Variants in PIK3R3 observed in about 807,000 individuals in gnomAD.
The protein encoded by PIK3R3 is phosphatidylinositol 3-kinase regulatory subunit gamma.
In PIK3R3, 64 loss-of-function variants were observed where a neutral mutation model predicts 62.9. The ratio of observed to expected loss-of-function variants is 1.02; its 90% CI spans 0.83 to 1.25. The LOEUF (loss-of-function observed/expected upper bound fraction) is 1.25, where lower values mean the gene tolerates loss of function less well. Among genes scored for constraint, PIK3R3 ranks in the 50% most tolerant of loss-of-function variants. The probability of loss-of-function intolerance (pLI) is 0.00; values close to 1 mark genes in which losing one functional copy is unlikely to be tolerated. For missense variants in PIK3R3, 614 were observed against 561.6 expected (o/e 1.09, Z -0.94); for synonymous variants, 165 against 189.0 (o/e 0.87, Z 1.04).
At chr1:46,090,571 G>A (rs1651533949) in intron 1 of PIK3R3, among the ~76,000 whole-genome samples, 1 of 152,134 alleles carries the variant, frequency 6.6e-6, no homozygotes, top group Admixed American at 6.5e-5. Flanking sequence ...CTGACCTCAT[G>A]ATCCACCTGC....
At chr1:46,072,787 A>T (rs374211898) in intron 3 of PIK3R3, among the ~76,000 whole-genome samples, 2 of 151,922 alleles carry the variant, frequency 1.3e-5, no homozygotes, top group South Asian at 4.1e-4. Context: ...TCATCTCTAC[A>T]AAGAAATTTT....
Position 46,041,096 on chromosome 1 carries a change from A to T in PIK3R3, c.*2577T>A, listed in dbSNP as rs1414835104. On this transcript the variant is annotated 3_prime_UTR_variant, in exon 10 of 10. Coordinates refer to ENST00000262741, the MANE Select transcript of PIK3R3 (RefSeq NM_003629.4). ...CATTGAAACTGCAGTTAAGATGCCA[A>T]GACAGTCCCAGGGTCCAGATCATGG... 6.4e-6 allele frequency: 1 copy of T among 155,982 alleles called. No individual in the cohort carries two copies. The highest frequency in any genetic ancestry group is 1.7e-4 in the East Asian group (1 of 5,886). 9.7% of individuals were successfully genotyped at this position (155,982 alleles called of 1,614,324 possible). A position where few individuals can be genotyped will look rare whatever the true frequency, so the allele number is the denominator to read the frequency against.
intron 6 of PIK3R3, 74 bp from the exon 7 acceptor site, chr1:46,056,045 T>A: frequency 1.1e-6 from 1 of 938,300 alleles, no homozygotes; most frequent in Non-Finnish European, 1.6e-6. Context: ...AGCACGGTCC[T>A]AATATCCTTT....
the PIK3R3 span, among the ~76,000 whole-genome samples, chr1:46,152,508 C>T: frequency 6.6e-6 from 1 of 151,408 alleles, no homozygotes; most frequent in East Asian, 1.9e-4. Flanking sequence ...CCATATCTAA[C>T]ACAACAACTC....
In PIK3R3 at chr1:46,046,010, T is replaced by G; in HGVS notation, c.1095A>C (p.Arg365=). The change falls in exon 9 of 10, where the codon CGA becomes CGC. Residue 365 remains arginine, a synonymous_variant. Transcript: ENST00000262741. ...EKTWFVEDIN[R]VQAEDLLYGK... ...CATAAAGCAAGTCCTCTGCTTGTACTCGATTGATATCCTCAACAAACCAGG... is the reference window on the plus strand; with the variant it reads ...CATAAAGCAAGTCCTCTGCTTGTACGCGATTGATATCCTCAACAAACCAGG... 6.2e-7 allele frequency: 1 copy of G among 1,611,744 alleles called. No individual in the cohort carries two copies. The highest frequency in any genetic ancestry group is 1.3e-5 in the African/African-American group (1 of 74,998).
chr1:46,154,752 C>T, the PIK3R3 span, among the ~76,000 whole-genome samples: 2 of 152,098 alleles, frequency 1.3e-5, no homozygotes, highest in Admixed American at 1.3e-4. Flanking sequence ...TTTTATCTGT[C>T]AGGATTTGAT....
the PIK3R3 span, among the ~76,000 whole-genome samples, chr1:46,170,134 G>A: frequency 2.6e-5 from 4 of 151,928 alleles, no homozygotes; most frequent in Non-Finnish European, 4.4e-5. Context: ...TTTCTGTTCG[G>A]TACCTTTCTT....
At chr1:46,097,881 C>A in intron 1 of PIK3R3, among the ~76,000 whole-genome samples, 1 of 131,850 alleles carries the variant, frequency 7.6e-6, no homozygotes, top group African/African-American at 2.8e-5. Flanking sequence ...AAGAGGGAAA[C>A]TCCATCTCAA....
intron 3 of PIK3R3, 70 bp downstream of exon 3, chr1:46,077,445 G>A: frequency 1.4e-6 from 1 of 714,952 alleles, no homozygotes; most frequent in South Asian, 2.0e-5. Flanking sequence ...TTTAAATACA[G>A]AAATATCTGT....
In PIK3R3 at chr1:46,132,593, C is replaced by T. The variant is rs1655716936; in HGVS notation, c.-641G>A. ...GGGCGCTCCCGCCGGGGTGTAAGAA[C>T]CAACCCGACCGCACCAACTGCCCTC... On this transcript the variant is annotated 5_prime_UTR_variant, in exon 1 of 10. Transcript: ENST00000262741. The T allele has an allele frequency of 7.8e-7, 1 of 1,288,808 alleles. No homozygotes were observed. Among genetic ancestry groups the T allele is most frequent in the Admixed American group, 2.3e-5 (1 of 43,438 alleles). 79.8% of individuals were successfully genotyped at this position (1,288,808 alleles called of 1,614,324 possible).
upstream of PIK3R3, among the ~76,000 whole-genome samples, chr1:46,137,104 A>T (rs964286886): frequency 4.6e-5 from 7 of 152,072 alleles, no homozygotes; most frequent in Non-Finnish European, 8.8e-5. Context: ...GTTCAAAGTC[A>T]TGCAGTCACT....
chr1:46,080,542 T>G (rs111915223), intron 2 of PIK3R3, 100 bp downstream of exon 2: 3 of 785,328 alleles, frequency 3.8e-6, no homozygotes, highest in Admixed American at 2.0e-5. Flanking sequence ...ATTATAGGCA[T>G]GAGCCACCAT....
chr1:46,131,639 C>A, intron 1 of PIK3R3: 1 of 463,034 alleles, frequency 2.2e-6, no homozygotes, highest in Non-Finnish European at 4.4e-6. Flanking sequence ...GCCCCCACCC[C>A]CACCTTCGCA....
the PIK3R3 span, among the ~76,000 whole-genome samples, chr1:46,151,977 A>G: frequency 6.6e-6 from 1 of 151,698 alleles, no homozygotes; most frequent in Non-Finnish European, 1.5e-5. Context: ...GGCAGCTGGG[A>G]AAACCCCAAA....
upstream of PIK3R3, among the ~76,000 whole-genome samples, chr1:46,133,300 G>T (rs1427832949): frequency 6.6e-6 from 1 of 152,252 alleles, no homozygotes; most frequent in Non-Finnish European, 1.5e-5. Context: ...ACTGCCTGGA[G>T]ACAGGCGGGG....
At chr1:46,143,375 A>AT in the PIK3R3 span, among the ~76,000 whole-genome samples, 60 of 151,922 alleles carry the variant, frequency 3.9e-4, no homozygotes, top group African/African-American at 9.9e-4. Context: ...GTTACATGTG[A>AT]TTTTTTTTAG....
rs1648944649 is a variant in PIK3R3 at position 46,065,920 on chromosome 1, C to A, written c.621+134G>T. The A allele has an allele frequency of 6.8e-6, 5 of 736,670 alleles. No individual in the cohort carries two copies. The East Asian group carries it at 1.3e-4, about 18-fold the overall frequency. The allele number at this position is 736,670 out of a possible 1,614,324, so 45.6% of individuals were successfully genotyped here. ...ATTAAGAAGGGAGGGGAATTTATAT[C>A]ATTAAAGTTTCAAAAAGGCTGTTTA... On this transcript the variant is annotated intron_variant, in intron 5 of 9. Coordinates refer to ENST00000262741, the MANE Select transcript of PIK3R3 (RefSeq NM_003629.4).
At chr1:46,137,594 C>T (rs944111587), upstream of PIK3R3, among the ~76,000 whole-genome samples, 2 of 152,216 alleles carry the variant, frequency 1.3e-5, no homozygotes, top group African/African-American at 4.8e-5. Flanking sequence ...TGCATCTGAT[C>T]TTATACATTG....
At chr1:46,117,367 C>T (rs1157669726) in intron 1 of PIK3R3, among the ~76,000 whole-genome samples, 1 of 151,398 alleles carries the variant, frequency 6.6e-6, no homozygotes, top group Non-Finnish European at 1.5e-5. Context: ...CAGGAGGTCA[C>T]GGCTACAGTG....
Sources: allele counts gnomAD v4.1 joint callset (sites outside exome capture counted in the v4.1 genomes callset), GRCh38; gene constraint gnomAD v4.1.1; transcripts MANE v1.5; gene names NCBI Gene and HGNC (gene_info 2026-07-23, HGNC 2026-07-21).